TG: variants seen among roughly 807,000 people sequenced by gnomAD.
TG encodes the protein thyroglobulin.
TG carries 270 observed loss-of-function variants against 324.7 expected under a neutral mutation model. The ratio of observed to expected loss-of-function variants is 0.83; its 90% confidence interval spans 0.75 to 0.92. The LOEUF (loss-of-function observed/expected upper bound fraction) is 0.92. Ranked by LOEUF, TG falls within the 40% of genes least tolerant of loss-of-function variation. TG has a pLI of 0.00. For synonymous variants in TG, 1,401 were observed against 1,327.0 expected (o/e 1.06, Z -1.21); for missense variants, 3,591 against 3,456.4 (o/e 1.04, Z -0.98).
intron 16 of TG, 93 bp downstream of exon 16, chr8:132,901,646 G>A (rs1189804056): frequency 5.7e-6 from 8 of 1,398,120 alleles, no homozygotes; most frequent in Non-Finnish European, 7.8e-6. Context: ...GGAAGGCAGG[G>A]GTGGGAGGGG....
At chr8:133,103,824 C>T (rs1564195352) in intron 43 of TG, among the ~76,000 whole-genome samples, 1 of 152,180 alleles carries the variant, frequency 6.6e-6, no homozygotes, top group Admixed American at 6.5e-5. Context: ...TGGACTCTCT[C>T]TAGGCTTTAG....
intron 10 of TG, among the ~76,000 whole-genome samples, chr8:132,889,757 A>T (rs1272199769): frequency 6.6e-6 from 1 of 152,178 alleles, no homozygotes; most frequent in Non-Finnish European, 1.5e-5. Context: ...AGTTGTTGAT[A>T]CCAAAAGTAC....
At position 133,096,197 on chromosome 8, in the gene TG, C is replaced by G. The variant is rs778963384; in HGVS notation, c.7405-9C>G. ...CCAGGACAACTGATTATTGTTGCAT[C>G]CAATGCAGCTCCTGGCCGTGAGTGG... is the stretch of plus-strand genomic sequence containing the variant. On this transcript the variant is annotated splice_polypyrimidine_tract_variant and intron_variant, in intron 42 of 47. Transcript: ENST00000220616. 2 of 1,614,094 alleles carry G rather than the reference C, an allele frequency of 1.2e-6. No homozygotes were observed. Among genetic ancestry groups the G allele is most frequent in the Non-Finnish European group, 1.7e-6 (2 of 1,180,018 alleles).
chr8:132,986,745 C>T (rs756527932), intron 35 of TG, among the ~76,000 whole-genome samples: 6 of 152,054 alleles, frequency 3.9e-5, no homozygotes, highest in South Asian at 2.1e-4. Flanking sequence ...TTGACCAAAG[C>T]GGAATTATTG....
intron 37 of TG, among the ~76,000 whole-genome samples, chr8:133,016,780 C>A (rs973181582): frequency 6.6e-6 from 1 of 152,204 alleles, no homozygotes; most frequent in Non-Finnish European, 1.5e-5. Flanking sequence ...TTCCTGAAAA[C>A]AGTACTTGGC....
At position 132,888,309 on chromosome 8, in the gene TG, G is replaced by C; in HGVS notation, c.2502G>C (p.Pro834=). ...AGGCTGGCCAGCAAGATGTCTTCCC[G>C]GTGCTGTCACAATACCCTTCTCTGC... ...LYEAGQQDVF[P]VLSQYPSLQD... Residue 834 remains proline (P), a synonymous_variant, in exon 10 of 48, where the codon CCG becomes CCC. Coordinates refer to ENST00000220616, the MANE Select transcript of TG (RefSeq NM_003235.5). 6.2e-7 allele frequency: 1 copy of C among 1,614,124 alleles called. No individual in the cohort carries two copies. Among genetic ancestry groups the C allele is most frequent in the Non-Finnish European group, 8.5e-7 (1 of 1,180,026 alleles).
chr8:133,112,200 G>A (rs571893071), intron 43 of TG, among the ~76,000 whole-genome samples: 2 of 152,378 alleles, frequency 1.3e-5, no homozygotes, highest in South Asian at 4.1e-4. Context: ...GCTCATTGAT[G>A]GAATTCTAAT....
At chr8:133,047,550 T>G in intron 41 of TG, 1 of 460,312 alleles carries the variant, frequency 2.2e-6, no homozygotes, top group Non-Finnish European at 4.0e-6. Context: ...CTGCGTTCAG[T>G]TTTGTTCTCA....
chr8:132,869,588 T>A, intron 2 of TG, 141 bp from the exon 3 acceptor site: 1 of 746,384 alleles, frequency 1.3e-6, no homozygotes, highest in Non-Finnish European at 2.3e-6. Context: ...CAGCCACCCT[T>A]CTCCACTCCA....
At chr8:132,927,971 T>C (rs1306990717) in intron 22 of TG, among the ~76,000 whole-genome samples, 2 of 152,206 alleles carry the variant, frequency 1.3e-5, no homozygotes, top group South Asian at 2.1e-4. Context: ...GCAATTAACA[T>C]GGATGGGCCA....
intron 41 of TG, chr8:133,049,865 T>C (rs1410401871): frequency 7.8e-7 from 1 of 1,281,894 alleles, no homozygotes; most frequent in East Asian, 2.3e-5. Context: ...AGCATACGCA[T>C]CATGCTTAAT....
intron 27 of TG, among the ~76,000 whole-genome samples, chr8:132,950,198 G>A (rs73710718): frequency 0.013 from 2,016 of 152,304 alleles, 53 homozygotes; most frequent in African/African-American, 0.046. Flanking sequence ...TGAGGTTGAG[G>A]GGAAGCCCTG....
Position 133,029,817 on chromosome 8 carries a change from GA to G in TG, c.7037-2del, listed in dbSNP as rs1249285390. On this transcript the variant is annotated splice_region_variant and splice_polypyrimidine_tract_variant and intron_variant, in intron 40 of 47. Transcript: ENST00000220616. ...AGGATAAAAGGCTTTCCTCTTTTCT[GA>G]AGGGTCCGGAGAGGTGAGTGGCAAC... The G allele has an allele frequency of 1.2e-6, 2 of 1,614,076 alleles. No homozygotes were observed. Among genetic ancestry groups the G allele is most frequent in the East Asian group, 2.2e-5 (1 of 44,888 alleles).
chr8:133,106,415 A>G (rs1051659028), intron 43 of TG: 69 of 985,212 alleles, frequency 7.0e-5, no homozygotes, highest in Non-Finnish European at 8.1e-5. Context: ...GGCAGGTCAC[A>G]TTTGCAAACC....
rs1302009543 is a variant in TG at position 132,881,930 on chromosome 8, C to T, written c.706C>T (p.His236Tyr). 6.2e-7 allele frequency: 1 copy of T among 1,614,110 alleles called. No individual in the cohort carries two copies. The highest frequency in any genetic ancestry group is 1.1e-5 in the South Asian group (1 of 91,088). ...RRFPEVSGYC[H>Y]CADSQGRELA... is the part of the protein sequence containing the mutation. ...GTTCCCTGAGGTATCTGGGTATTGC[C>T]ACTGTGCTGACAGCCAAGGGCGGGA... Residue 236 changes from histidine (H) to tyrosine (Y), a missense_variant, in exon 6 of 48, where the codon CAC (histidine) becomes TAC (tyrosine). Coordinates refer to ENST00000220616, the MANE Select transcript of TG (RefSeq NM_003235.5).
chr8:132,939,677 T>G lies in TG; in HGVS notation c.5042-1674T>G, dbSNP rs1409270461. 1.4e-3 allele frequency among the ~76,000 whole-genome samples: 215 copies of G among 148,322 alleles called. 1 individual carries two copies. Among genetic ancestry groups the G allele is most frequent in the African/African-American group, 5.2e-3 (209 of 40,350 alleles). ...TAGTCTATGGGGTTTTTTTTTTTTG[T>G]TTGTTTGTTTGTTTTTTAAGATGGA... On this transcript the variant is annotated intron_variant, in intron 25 of 47. Transcript: ENST00000220616.
chr8:132,931,197 C>A (rs1315992497), intron 23 of TG, among the ~76,000 whole-genome samples: 1 of 152,198 alleles, frequency 6.6e-6, no homozygotes, highest in Admixed American at 6.5e-5. Context: ...GTGTCTGTAT[C>A]CTAATCTTTA....
At chr8:133,063,996 G>A (rs866234534) in intron 41 of TG, 5 of 152,194 alleles carry the variant, frequency 3.3e-5, no homozygotes, top group African/African-American at 7.2e-5. Context: ...ATAGAAAAGG[G>A]CAAAAGAGAA....
chr8:133,112,985 A>G (rs1240168243), intron 43 of TG, among the ~76,000 whole-genome samples: 4 of 152,310 alleles, frequency 2.6e-5, no homozygotes, highest in South Asian at 2.1e-4. Context: ...GACTGAGTCC[A>G]TGAATGAAAC....
Sources: gnomAD v4.1 joint callset for allele counts (sites outside exome capture counted in the v4.1 genomes callset) on GRCh38, gnomAD v4.1.1 for gene constraint, MANE v1.5 for transcripts, NCBI Gene and HGNC (gene_info 2026-07-23, HGNC 2026-07-21) for gene names.